Variants in GABPA observed in about 807,000 individuals in gnomAD.
GABPA encodes GA-binding protein alpha chain.
In GABPA, 4 loss-of-function variants were observed where a neutral mutation model predicts 59.4. The observed-to-expected ratio is 0.07, with a 90% CI of 0.03 to 0.15. The LOEUF is 0.15. GABPA is among the 10% of genes least tolerant of loss of function. The probability of loss-of-function intolerance (pLI) is 1.00; values close to 1 mark genes in which losing one functional copy is unlikely to be tolerated. For missense variants in GABPA, 251 were observed against 543.8 expected (o/e 0.46, Z 5.36); for synonymous variants, 164 against 183.1 (o/e 0.90, Z 0.84).
rs147440551 is a variant in GABPA, at chr21:25,735,354, C to G, written c.-251C>G. 2 of 225,158 alleles carry G rather than the reference C, an allele frequency of 8.9e-6. No homozygotes were observed. The highest frequency in any genetic ancestry group is 4.5e-5 in the African/African-American group (2 of 44,072). The allele number at this position is 225,158 out of a possible 1,614,324, so 13.9% of individuals were successfully genotyped here. ...TTGCCTTGGGCGGTCGTTTTGCGCA[C>G]CCTGCCGGGAGTTGTAGTCCTGGAC... On this transcript the variant is annotated 5_prime_UTR_variant, in exon 1 of 10. Coordinates refer to ENST00000400075, the MANE Select transcript of GABPA (RefSeq NM_002040.4).
At chr21:25,735,905 C>T (rs2035039190) in intron 1 of GABPA, among the ~76,000 whole-genome samples, 1 of 152,184 alleles carries the variant, frequency 6.6e-6, no homozygotes, top group Admixed American at 6.5e-5. Context: ...CGTCCGCACT[C>T]CTCAGCAGTC....
intron 5 of GABPA, among the ~76,000 whole-genome samples, chr21:25,757,496 G>A (rs2035663925): frequency 6.6e-6 from 1 of 152,092 alleles, no homozygotes; most frequent in South Asian, 2.1e-4. Flanking sequence ...CAATTACCAT[G>A]TTTATTTATT....
At chr21:25,745,458 G>T (rs71649675) in intron 3 of GABPA, 104 bp downstream of exon 3, 8 of 1,059,140 alleles carry the variant, frequency 7.6e-6, no homozygotes, top group Non-Finnish European at 1.1e-5. Context: ...TCTGTAAGAA[G>T]ATTTGACCTG....
intron 2 of GABPA, among the ~76,000 whole-genome samples, chr21:25,744,360 A>G (rs1235261363): frequency 6.6e-6 from 1 of 152,158 alleles, no homozygotes; most frequent in Non-Finnish European, 1.5e-5. Context: ...TTTAGAAAAA[A>G]GTTTAAGCTA....
At chr21:25,763,919 A>G (rs371282354) in intron 7 of GABPA, among the ~76,000 whole-genome samples, 10 of 78,614 alleles carry the variant, frequency 1.3e-4, no homozygotes, top group African/African-American at 4.9e-4. Flanking sequence ...TGTTTTAAGA[A>G]CAAACATGTT....
chr21:25,747,980 C>G (rs1241018582), intron 3 of GABPA, among the ~76,000 whole-genome samples: 1 of 152,046 alleles, frequency 6.6e-6, no homozygotes, highest in Non-Finnish European at 1.5e-5. Flanking sequence ...CAGTGGCGCT[C>G]ACTGCAACGT....
At chr21:25,764,433 G>A in intron 8 of GABPA, 83 bp downstream of exon 8, 1 of 1,437,956 alleles carries the variant, frequency 7.0e-7, no homozygotes, top group South Asian at 1.3e-5. Context: ...TGAAAAATGT[G>A]AATTTGGACT....
At position 25,754,074 on chromosome 21, in the gene GABPA, CT is replaced by C. The variant is rs549514728; in HGVS notation, c.553+1842del. Among the ~76,000 whole-genome samples, 20 of 152,252 alleles carry C rather than the reference CT, an allele frequency of 1.3e-4. No individual in the cohort carries two copies. The South Asian group carries it at 3.9e-3, about 30-fold the overall frequency. ...TGTAGCCACTAATCACACGTCAGCA[CT>C]TGAAGTGTCTCTGGTCAAAATTAAG... On this transcript the variant is annotated intron_variant, in intron 5 of 9. Transcript: ENST00000400075.
At chr21:25,768,905 C>T (rs1461886961) in intron 9 of GABPA, 99 bp from the exon 10 acceptor site, 3 of 701,396 alleles carry the variant, frequency 4.3e-6, no homozygotes, top group Admixed American at 2.4e-5. Context: ...GTGGCGGATG[C>T]AGTACTCTAC....
At position 25,741,665 on chromosome 21, in the gene GABPA, A is replaced by G. The variant is rs780341875; in HGVS notation, c.67A>G (p.Thr23Ala). 16 of 1,609,322 alleles carry G rather than the reference A, an allele frequency of 9.9e-6. 1 individual carries two copies. The Admixed American group carries it at 1.0e-4, about 10-fold the overall frequency. ...TGATGGAACAGAGAAAGCAGAGTGC[A>G]CAGAAGAAAGGTTGGTGTTTCTGAA... is the stretch of plus-strand genomic sequence containing the variant. ...EIDGTEKAECTEESIVEQTYA... is the reference protein window; with the variant it reads ...EIDGTEKAECAEESIVEQTYA... Residue 23 changes from threonine to alanine, a missense_variant, in exon 2 of 10, where the codon ACA becomes GCA. Physicochemically the swap from Thr to Ala is moderately conservative, Grantham distance 58. Transcript: ENST00000400075.
chr21:25,751,019 G>GTA (rs2035495971), intron 4 of GABPA, among the ~76,000 whole-genome samples: 1 of 152,088 alleles, frequency 6.6e-6, no homozygotes, highest in Non-Finnish European at 1.5e-5. Flanking sequence ...TCTTTAAGCT[G>GTA]TACTTTGATT....
At position 25,769,128 on chromosome 21, in the gene GABPA, T is replaced by C. The variant is rs775976262; in HGVS notation, c.1261T>C (p.Cys421Arg). The C allele has an allele frequency of 3.1e-6, 5 of 1,613,112 alleles. No individual in the cohort carries two copies. Among genetic ancestry groups the C allele is most frequent in the Non-Finnish European group, 4.2e-6 (5 of 1,179,142 alleles). The change falls in exon 10 of 10, where the codon TGT (cysteine) becomes CGT (arginine). Residue 421 changes from cysteine to arginine, a missense_variant. Coordinates refer to ENST00000400075, the MANE Select transcript of GABPA (RefSeq NM_002040.4). Reference protein sequence around the residue: ...AAELNRLVTECEQKKLAKMQL... With the variant: ...AAELNRLVTEREQKKLAKMQL... ...GGAGTTGAACCGTTTGGTCACAGAA[T>C]GTGAACAGAAGAAACTTGCAAAGAT...
intron 9 of GABPA, among the ~76,000 whole-genome samples, chr21:25,767,747 C>T (rs2035926547): frequency 6.6e-6 from 1 of 152,022 alleles, no homozygotes; most frequent in African/African-American, 2.4e-5. Context: ...AATCCAAATT[C>T]TGTACTAATG....
At chr21:25,743,867 A>G (rs896181977) in intron 2 of GABPA, among the ~76,000 whole-genome samples, 2 of 152,016 alleles carry the variant, frequency 1.3e-5, no homozygotes, top group South Asian at 2.1e-4. Flanking sequence ...CCTGGCCAAC[A>G]TGCCAGTCTC....
At position 25,752,032 on chromosome 21, in the gene GABPA, G is replaced by C; in HGVS notation, c.351G>C (p.Ala117=). 1 of 1,611,156 alleles carries C rather than the reference G, an allele frequency of 6.2e-7. No homozygotes were observed. The highest frequency in any genetic ancestry group is 8.5e-7 in the Non-Finnish European group (1 of 1,177,668). ...KLNILEIVKP[A]DTVEVVIDPD... ...ACATCCTTGAAATTGTTAAACCTGC[G>C]GACACTGTTGAGGTTGTTATTGATC... Residue 117 remains alanine (A), a synonymous_variant, in exon 5 of 10, where the codon GCG becomes GCC. Transcript: ENST00000400075.
intron 3 of GABPA, 29 bp downstream of exon 3, chr21:25,745,383 G>A (rs372701040): frequency 2.5e-6 from 4 of 1,604,506 alleles, no homozygotes; most frequent in Non-Finnish European, 3.4e-6. Context: ...AATTTCTATT[G>A]CAACATTTTA....
intron 9 of GABPA, among the ~76,000 whole-genome samples, chr21:25,765,632 T>G (rs2035873502): frequency 6.6e-6 from 1 of 151,908 alleles, no homozygotes; most frequent in African/African-American, 2.4e-5. Context: ...TGAATGACCC[T>G]TTTTTTCTCA....
chr21:25,741,243 T>TCAGCCTCCG (rs1321695584), intron 1 of GABPA, among the ~76,000 whole-genome samples: 1 of 152,060 alleles, frequency 6.6e-6, no homozygotes, highest in African/African-American at 2.4e-5. Context: ...TCCTCCCACC[T>TCAGCCTCCG]CAGCCTCCGA....
intron 1 of GABPA, among the ~76,000 whole-genome samples, chr21:25,739,272 G>A (rs1348700644): frequency 6.6e-6 from 1 of 152,218 alleles, no homozygotes; most frequent in Non-Finnish European, 1.5e-5. Flanking sequence ...GAGAGTTATA[G>A]CCCTTTCTAA....
Sources: allele counts gnomAD v4.1 joint callset (sites outside exome capture counted in the v4.1 genomes callset), GRCh38; gene constraint gnomAD v4.1.1; transcripts MANE v1.5; gene names NCBI Gene and HGNC (gene_info 2026-07-23, HGNC 2026-07-21).